The following URB2 variants were observed in gnomAD, a reference collection of about 807,000 sequenced individuals.
URB2 encodes URB2 ribosome biogenesis homolog.
A neutral mutation model predicts 120.9 loss-of-function variants in URB2; 86 were observed. The ratio of observed to expected loss-of-function variants is 0.71; its 90% confidence interval spans 0.60 to 0.85. The LOEUF (loss-of-function observed/expected upper bound fraction) is 0.85. Ranked by LOEUF, URB2 falls within the 40% of genes least tolerant of loss-of-function variation. URB2 has a pLI of 0.00. For missense variants in URB2, 1,765 were observed against 1,836.5 expected (o/e 0.96, Z 0.71); for synonymous variants, 755 against 758.4 (o/e 1.00, Z 0.07).
At chr1:229,644,964 T>C (rs984097162) in intron 5 of URB2, among the ~76,000 whole-genome samples, 2 of 152,192 alleles carry the variant, frequency 1.3e-5, no homozygotes, top group Admixed American at 6.5e-5. Flanking sequence ...TACTAAGTAT[T>C]ACATATTCAC....
intron 1 of URB2, among the ~76,000 whole-genome samples, chr1:229,627,378 G>A (rs571758414): frequency 6.6e-6 from 1 of 152,286 alleles, no homozygotes; most frequent in East Asian, 1.9e-4. Context: ...AATACATATA[G>A]TCCATCTTCT....
At chr1:229,634,096 G>A (rs1665733840) in intron 3 of URB2, among the ~76,000 whole-genome samples, 2 of 151,702 alleles carry the variant, frequency 1.3e-5, no homozygotes, top group Non-Finnish European at 2.9e-5. Flanking sequence ...GCCTCCCAAG[G>A]TGTTGGGATT....
rs1029872211 is a variant in URB2, at chr1:229,659,101, T to C, written c.4379T>C (p.Val1460Ala). 6.2e-7 allele frequency: 1 copy of C among 1,610,228 alleles called. No individual in the cohort carries two copies. Among genetic ancestry groups the C allele is most frequent in the Non-Finnish European group, 8.5e-7 (1 of 1,178,262 alleles). Residue 1460 changes from valine to alanine, a missense_variant and splice_region_variant, in exon 10 of 10, where the codon GTG becomes GCG. Physicochemically the swap from Val to Ala is moderately conservative, Grantham distance 64. Coordinates refer to ENST00000258243, the MANE Select transcript of URB2 (RefSeq NM_014777.4). Reference sequence around the variant, plus strand: ...ACAGAGGTTTGCCTTTTTCCTCAGGTGACCTTATATCCAGCTGTGAAAAGT... The same window carrying C: ...ACAGAGGTTTGCCTTTTTCCTCAGGCGACCTTATATCCAGCTGTGAAAAGT... ...VAQYVLEVQK[V>A]TLYPAVKSLL...
intron 9 of URB2, among the ~76,000 whole-genome samples, chr1:229,657,277 A>G (rs1319579736): frequency 1.3e-5 from 2 of 152,224 alleles, no homozygotes; most frequent in Non-Finnish European, 2.9e-5. Flanking sequence ...TGAAACCTAA[A>G]GATTTAAAGT....
At chr1:229,654,185 C>T (rs779198301) in intron 8 of URB2, 64 bp from the exon 9 acceptor site, 10 of 1,596,024 alleles carry the variant, frequency 6.3e-6, no homozygotes, top group Non-Finnish European at 8.6e-6. Flanking sequence ...AAAAGTCTAA[C>T]ATAGAAGAGT....
intron 9 of URB2, among the ~76,000 whole-genome samples, chr1:229,655,567 T>C (rs1391208945): frequency 6.6e-6 from 1 of 152,226 alleles, no homozygotes; most frequent in Non-Finnish European, 1.5e-5. Flanking sequence ...AATGTCATTA[T>C]GCTATTTTCA....
Position 229,645,926 on chromosome 1 carries a change from G to A in URB2, c.3863G>A (p.Ser1288Asn). 6.2e-7 allele frequency: 1 copy of A among 1,614,214 alleles called. No individual in the cohort carries two copies. Reference sequence around the variant, plus strand: ...TGCCCACTCAGTGGAGAGAAAGCAAGTCTGTTGTGGCGTGCGTGTCCCCAG... The same window carrying A: ...TGCCCACTCAGTGGAGAGAAAGCAAATCTGTTGTGGCGTGCGTGTCCCCAG... ...LNCPLSGEKA[S>N]LLWRACPQIV... Residue 1288 changes from serine to asparagine, a missense_variant, in exon 6 of 10, where the codon AGT becomes AAT. By Grantham distance (46) the Ser-to-Asn change is conservative. Coordinates refer to ENST00000258243, the MANE Select transcript of URB2 (RefSeq NM_014777.4).
rs762669116 is a variant in URB2 at position 229,646,009 on chromosome 1, TC to T, written c.3906+43del. On this transcript the variant is annotated intron_variant, in intron 6 of 9. Transcript: ENST00000258243. ...GAGATGTGTCCTCTAGCTCCTCCCC[TC>T]CCTCTTCCTGTAAAGACAGAAGTCA... The T allele has an allele frequency of 4.4e-6, 7 of 1,577,174 alleles. No homozygotes were observed. In the East Asian group the frequency reaches 1.6e-4, roughly 35 times the overall value.
Position 229,654,397 on chromosome 1 carries a change from G to A in URB2, c.4377+9G>A. ...TGTTGGAGGTACAGAAGGTAAAATT[G>A]GGTTCAATGTCTTTCACCAAGTACT... On this transcript the variant is annotated intron_variant, in intron 9 of 9. Coordinates refer to ENST00000258243, the MANE Select transcript of URB2 (RefSeq NM_014777.4). 6.2e-7 allele frequency: 1 copy of A among 1,614,146 alleles called. No homozygotes were observed. The highest frequency in any genetic ancestry group is 8.5e-7 in the Non-Finnish European group (1 of 1,180,012).
At chr1:229,633,520 G>A (rs899831216) in intron 3 of URB2, among the ~76,000 whole-genome samples, 2 of 152,176 alleles carry the variant, frequency 1.3e-5, no homozygotes, top group Non-Finnish European at 2.9e-5. Context: ...AAAATTTGGA[G>A]ATCACTGTAA....
chr1:229,649,952 A>G (rs1666228663), intron 7 of URB2, among the ~76,000 whole-genome samples: 1 of 152,252 alleles, frequency 6.6e-6, no homozygotes, highest in African/African-American at 2.4e-5. Context: ...TTTCATCAGT[A>G]TGATAGCAAA....
At chr1:229,645,298 A>AG in intron 5 of URB2, among the ~76,000 whole-genome samples, 1 of 151,890 alleles carries the variant, frequency 6.6e-6, no homozygotes, top group South Asian at 2.1e-4. Flanking sequence ...AAAAAAAAAA[A>AG]AAGTTAAATT....
chr1:229,637,806 C>A lies in URB2; in HGVS notation c.3193C>A (p.His1065Asn). The A allele has an allele frequency of 3.7e-6, 6 of 1,613,616 alleles. No homozygotes were observed. The highest frequency in any genetic ancestry group is 5.1e-6 in the Non-Finnish European group (6 of 1,179,880). Residue 1065 changes from histidine (H) to asparagine (N), a missense_variant, in exon 4 of 10, where the codon CAT becomes AAT. Coordinates refer to ENST00000258243, the MANE Select transcript of URB2 (RefSeq NM_014777.4). ...TCTGGTGTCTTTAACCAGGTTGTGC[C>A]ATGTCCTGGGACCTTTCCTCAAAGA... is the stretch of plus-strand genomic sequence containing the variant. ...LLLVSLTRLC[H>N]VLGPFLKEQK...
chr1:229,656,799 A>G (rs748409388), intron 9 of URB2, among the ~76,000 whole-genome samples: 13 of 152,198 alleles, frequency 8.5e-5, no homozygotes, highest in Non-Finnish European at 1.6e-4. Context: ...GTCCCCATGG[A>G]AACATGCAGG....
intron 5 of URB2, among the ~76,000 whole-genome samples, chr1:229,644,953 A>G (rs1666104375): frequency 6.6e-6 from 1 of 152,220 alleles, no homozygotes; most frequent in Non-Finnish European, 1.5e-5. Context: ...ATTATGTAAA[A>G]TACTAAGTAT....
In URB2 at chr1:229,654,675, A is replaced by G. The variant is rs572394606; in HGVS notation, c.4377+287A>G. ...ACTCAGCTAATTTTTAAATTTTTGT[A>G]GAGATGGGGTCTCCCTATGTTGTGC... On this transcript the variant is annotated intron_variant, in intron 9 of 9. Coordinates refer to ENST00000258243, the MANE Select transcript of URB2 (RefSeq NM_014777.4). 2.0e-5 allele frequency among the ~76,000 whole-genome samples: 3 copies of G among 152,274 alleles called. No individual in the cohort carries two copies. The South Asian group carries it at 6.2e-4, about 32-fold the overall frequency.
intron 9 of URB2, among the ~76,000 whole-genome samples, chr1:229,658,836 C>CT (rs1666459805): frequency 6.6e-6 from 1 of 152,156 alleles, no homozygotes; most frequent in African/African-American, 2.4e-5. Flanking sequence ...CAAAGCCAGC[C>CT]TTTTGCTTTC....
intron 7 of URB2, among the ~76,000 whole-genome samples, chr1:229,648,621 C>T (rs1452905537): frequency 6.6e-6 from 1 of 152,146 alleles, no homozygotes; most frequent in Non-Finnish European, 1.5e-5. Flanking sequence ...GGCAGTAATC[C>T]CATTTTATTG....
chr1:229,651,401 A>T, intron 8 of URB2, 79 bp downstream of exon 8: 1 of 1,192,636 alleles, frequency 8.4e-7, no homozygotes, highest in South Asian at 1.8e-5. Context: ...TGTTACTGAA[A>T]ATAAAACTAC....
Sources: allele counts gnomAD v4.1 joint callset (sites outside exome capture counted in the v4.1 genomes callset), GRCh38; gene constraint gnomAD v4.1.1; transcripts MANE v1.5; gene names NCBI Gene and HGNC (gene_info 2026-07-23, HGNC 2026-07-21).